The following SOX6 variants were observed in gnomAD, a reference collection of about 807,000 sequenced individuals.
SOX6 encodes the protein SRY-box transcription factor 6.
SOX6 carries 11 observed loss-of-function variants against 97.8 expected under a neutral mutation model. The ratio of observed to expected loss-of-function variants is 0.11; its 90% CI spans 0.07 to 0.19. The LOEUF is 0.19. SOX6 is among the 10% of genes least tolerant of loss of function. The pLI is 1.00. For missense variants in SOX6, 810 were observed against 1,039.5 expected, an observed-to-expected ratio of 0.78 and a Z score of 3.04; for synonymous variants, 360 against 371.4, an observed-to-expected ratio of 0.97 and a Z score of 0.35.
At chr11:16,209,730 G>A (rs1056579396) in intron 4 of SOX6, among the ~76,000 whole-genome samples, 4 of 152,050 alleles carry the variant, frequency 2.6e-5, no homozygotes, top group Admixed American at 2.6e-4. Flanking sequence ...TCCAACCTGG[G>A]TGACAGCATG....
chr11:16,594,443 G>A (rs1340128468), intron 4 of SOX6, among the ~76,000 whole-genome samples: 1 of 151,988 alleles, frequency 6.6e-6, no homozygotes, highest in African/African-American at 2.4e-5. Context: ...GGGTTGCAAG[G>A]TTACAATCCT....
intron 6 of SOX6, among the ~76,000 whole-genome samples, chr11:16,133,677 T>G (rs975602511): frequency 2.0e-5 from 3 of 151,918 alleles, no homozygotes; most frequent in Non-Finnish European, 4.4e-5. Context: ...TGTTTTGTTT[T>G]GTTTTGTTTT....
rs1590098724 is a variant in SOX6, at chr11:15,972,716, T to C, written c.*93A>G. On this transcript the variant is annotated 3_prime_UTR_variant, in exon 16 of 16. Coordinates refer to ENST00000683767, the MANE Select transcript of SOX6 (RefSeq NM_001367873.1). ...TAAGACCATTCTGCTGATGTAATTG[T>C]GGAGCCACAAATGCATGCGGGCTCT... 2.3e-6 allele frequency: 3 copies of C among 1,325,008 alleles called. No homozygotes were observed. The East Asian group carries it at 7.0e-5, about 31-fold the overall frequency. The allele number at this position is 1,325,008 out of a possible 1,614,324, so 82.1% of individuals were successfully genotyped here.
At chr11:16,543,456 C>T (rs1258790411) in intron 4 of SOX6, among the ~76,000 whole-genome samples, 1 of 151,736 alleles carries the variant, frequency 6.6e-6, no homozygotes, top group Non-Finnish European at 1.5e-5. Flanking sequence ...TTGAAGTCCC[C>T]AGTGATGACA....
intron 14 of SOX6, 71 bp downstream of exon 14, chr11:15,988,926 C>T (rs544332618): frequency 6.2e-6 from 9 of 1,449,014 alleles, no homozygotes; most frequent in South Asian, 1.2e-5. Flanking sequence ...TATCCCCTTG[C>T]TTCCCACCCT....
intron 4 of SOX6, among the ~76,000 whole-genome samples, chr11:16,489,001 G>C (rs1860474386): frequency 6.6e-6 from 1 of 151,966 alleles, no homozygotes; most frequent in Admixed American, 6.6e-5. Flanking sequence ...TCCATCACTA[G>C]GTACATGATG....
chr11:16,354,920 G>A (rs539641668), intron 1 of SOX6, among the ~76,000 whole-genome samples: 3 of 151,880 alleles, frequency 2.0e-5, no homozygotes, highest in African/African-American at 7.2e-5. Context: ...TCTAAATCAG[G>A]TCTAAAATCA....
chr11:16,214,032 A>G (rs1852300395), intron 4 of SOX6, among the ~76,000 whole-genome samples: 1 of 152,210 alleles, frequency 6.6e-6, no homozygotes. Context: ...CTTTCTTATG[A>G]TAATGGAAAT....
chr11:16,510,165 T>C (rs1170876966), intron 4 of SOX6, among the ~76,000 whole-genome samples: 1 of 152,050 alleles, frequency 6.6e-6, no homozygotes, highest in Middle Eastern at 3.2e-3. Flanking sequence ...AAGCTGTTAA[T>C]TCACAAATTG....
intron 1 of SOX6, among the ~76,000 whole-genome samples, chr11:16,428,162 C>A (rs974666104): frequency 6.6e-6 from 1 of 152,130 alleles, no homozygotes; most frequent in African/African-American, 2.4e-5. Context: ...CCTTCGCCCA[C>A]TTTTTGATGG....
At chr11:16,032,437 T>G (rs1230739694) in intron 12 of SOX6, among the ~76,000 whole-genome samples, 1 of 152,186 alleles carries the variant, frequency 6.6e-6, no homozygotes, top group Non-Finnish European at 1.5e-5. Flanking sequence ...ATGTTAATTA[T>G]TTCAAATTTT....
At chr11:16,601,415 C>T (rs1171998788) in intron 4 of SOX6, among the ~76,000 whole-genome samples, 1 of 152,218 alleles carries the variant, frequency 6.6e-6, no homozygotes, top group Non-Finnish European at 1.5e-5. Context: ...GATATATATG[C>T]ATCCCTAAAC....
intron 7 of SOX6, among the ~76,000 whole-genome samples, chr11:16,101,016 C>T (rs1848931908): frequency 6.6e-6 from 1 of 151,638 alleles, no homozygotes; most frequent in African/African-American, 2.4e-5. Context: ...TGTTACACAT[C>T]CCTAACTAAC....
At chr11:16,568,512 T>C (rs1205599169) in intron 4 of SOX6, among the ~76,000 whole-genome samples, 5 of 152,152 alleles carry the variant, frequency 3.3e-5, no homozygotes, top group African/African-American at 1.2e-4. Context: ...AAGATAGGTG[T>C]GATGGTTGCA....
intron 6 of SOX6, among the ~76,000 whole-genome samples, chr11:16,163,022 GATA>G (rs903908392): frequency 4.0e-5 from 6 of 149,420 alleles, no homozygotes; most frequent in African/African-American, 7.4e-5. Flanking sequence ...AGAGAGACAA[GATA>G]ATAAAAAAGA....
At chr11:16,592,453 T>C (rs549188405) in intron 4 of SOX6, among the ~76,000 whole-genome samples, 3 of 151,890 alleles carry the variant, frequency 2.0e-5, no homozygotes, top group Admixed American at 2.0e-4. Context: ...GAAACAAGCA[T>C]TTTATTAATT....
At chr11:16,139,255 A>T (rs1169236476) in intron 6 of SOX6, among the ~76,000 whole-genome samples, 1 of 152,080 alleles carries the variant, frequency 6.6e-6, no homozygotes, top group African/African-American at 2.4e-5. Flanking sequence ...GACTATGTGA[A>T]TGTATCGTTC....
At chr11:16,466,712 C>A (rs547129963) in intron 1 of SOX6, among the ~76,000 whole-genome samples, 1 of 150,670 alleles carries the variant, frequency 6.6e-6, no homozygotes, top group South Asian at 2.1e-4. Context: ...AGGCGGATCA[C>A]GAGGTCAGGA....
At chr11:16,176,734 G>A (rs1267766218) in intron 6 of SOX6, among the ~76,000 whole-genome samples, 1 of 151,806 alleles carries the variant, frequency 6.6e-6, no homozygotes, top group Non-Finnish European at 1.5e-5. Context: ...TAGATGTTAG[G>A]TATTATTAGA....
Sources: gnomAD v4.1 joint callset for allele counts (sites outside exome capture counted in the v4.1 genomes callset) on GRCh38, gnomAD v4.1.1 for gene constraint, MANE v1.5 for transcripts, NCBI Gene and HGNC (gene_info 2026-07-23, HGNC 2026-07-21) for gene names.